The following TPCN1 variants were observed in gnomAD, a reference collection of about 807,000 sequenced individuals.
TPCN1 encodes two pore channel protein 1.
Under a neutral mutation model 108.8 loss-of-function variants are expected in TPCN1, and 52 were observed. The ratio of observed to expected loss-of-function variants is 0.48; its 90% CI spans 0.38 to 0.60. The LOEUF (loss-of-function observed/expected upper bound fraction) is 0.60. Among genes scored for constraint, TPCN1 ranks in the 20% least tolerant of loss-of-function variants. The probability of loss-of-function intolerance (pLI) is 0.00; values close to 1 mark genes in which losing one functional copy is unlikely to be tolerated. For synonymous variants in TPCN1, 446 were observed against 433.7 expected, an observed-to-expected ratio of 1.03 and a Z score of -0.35; for missense variants, 806 against 1,072.8, an observed-to-expected ratio of 0.75 and a Z score of 3.47.
intron 2 of TPCN1, chr12:113,244,485 G>A (rs1170942774): frequency 3.0e-6 from 3 of 985,308 alleles, no homozygotes; most frequent in Non-Finnish European, 2.4e-6. Flanking sequence ...CTGAGCAGGG[G>A]GATGTGCATT....
chr12:113,237,784 C>T (rs548269490), intron 2 of TPCN1, among the ~76,000 whole-genome samples: 9 of 152,150 alleles, frequency 5.9e-5, no homozygotes, highest in African/African-American at 7.2e-5. Flanking sequence ...AACATCCCAG[C>T]GGTATTGGGC....
In TPCN1 at chr12:113,226,581, CT is replaced by C. The variant is rs11347861; in HGVS notation, c.-125-146del. On this transcript the variant is annotated intron_variant, in intron 1 of 27. Transcript: ENST00000335509. ...TAGGTGTGAGCCACCGCGCCTGGCC[CT>C]AGTTCACCATTTTAAAGAGTATACT... is the stretch of plus-strand genomic sequence containing the variant. The C allele has an allele frequency of 3.2e-3, 2,362 of 726,910 alleles. 36 individuals are homozygous for C. In the African/African-American group the frequency reaches 0.037, roughly 11 times the overall value. The allele number at this position is 726,910 out of a possible 1,614,324, so 45.0% of individuals were successfully genotyped here. A position where few individuals can be genotyped will look rare whatever the true frequency, so the allele number is the denominator to read the frequency against.
intron 2 of TPCN1, among the ~76,000 whole-genome samples, chr12:113,247,248 GC>G (rs1232132088): frequency 6.6e-6 from 1 of 152,156 alleles, no homozygotes; most frequent in Non-Finnish European, 1.5e-5. Context: ...AGCTGGGCCT[GC>G]CGGGATTGGT....
rs140256166 is a variant in TPCN1, at chr12:113,298,178, G to T, written c.*2102G>T. ...TGTCAACAGACGGGAGTCCAGCCAG[G>T]GTGGGTGCCCTTGTCATTGAGGTTA... On this transcript the variant is annotated 3_prime_UTR_variant, in exon 28 of 28. Transcript: ENST00000335509. The T allele has an allele frequency of 1.3e-5, 2 of 152,446 alleles. No individual in the cohort carries two copies. Among genetic ancestry groups the T allele is most frequent in the African/African-American group, 4.8e-5 (2 of 41,600 alleles). The allele number at this position is 152,446 out of a possible 1,614,324, so 9.4% of individuals were successfully genotyped here.
Position 113,288,568 on chromosome 12 carries a change from G to T in TPCN1, c.1707-190G>T, listed in dbSNP as rs1032408617. 11 of 1,468,940 alleles carry T rather than the reference G, an allele frequency of 7.5e-6. No homozygotes were observed. The highest frequency in any genetic ancestry group is 7.1e-5 in the Admixed American group (3 of 42,124). 91.0% of individuals were successfully genotyped at this position (1,468,940 alleles called of 1,614,324 possible). On this transcript the variant is annotated intron_variant, in intron 20 of 27. Transcript: ENST00000335509. This position sits in a 1 kb window ranked among gnomAD's most constrained non-coding sequence, Gnocchi z 4.8. ...TGGGAAAGGGGCATTTGTTCATAGCGTCCTGACTTGAGCTGTTTTTCACCC... is the reference window on the plus strand; with the variant it reads ...TGGGAAAGGGGCATTTGTTCATAGCTTCCTGACTTGAGCTGTTTTTCACCC...
chr12:113,288,727 C>T lies in TPCN1; in HGVS notation c.1707-31C>T. 2 of 1,608,772 alleles carry T rather than the reference C, an allele frequency of 1.2e-6. No individual in the cohort carries two copies. Among genetic ancestry groups the T allele is most frequent in the Non-Finnish European group, 1.7e-6 (2 of 1,179,500 alleles). ...AGAGGAGCCGTTCCCTCCTGCCGGC[C>T]CCGCGTCACCCTGCCCCTGTCGCCC... is the stretch of plus-strand genomic sequence containing the variant. On this transcript the variant is annotated intron_variant, in intron 20 of 27. Coordinates refer to ENST00000335509, the MANE Select transcript of TPCN1 (RefSeq NM_017901.6). This position sits in a 1 kb window ranked among gnomAD's most constrained non-coding sequence, Gnocchi z 4.8.
At position 113,266,946 on chromosome 12, in the gene TPCN1, T is replaced by C. The variant is rs61943609; in HGVS notation, c.414+590T>C. Among the ~76,000 whole-genome samples the C allele has an allele frequency of 0.059, 8,977 of 152,296 alleles. 359 individuals are homozygous for C. Among genetic ancestry groups the C allele is most frequent in the Middle Eastern group, 0.071 (21 of 294 alleles). On this transcript the variant is annotated intron_variant, in intron 4 of 27. Coordinates refer to ENST00000335509, the MANE Select transcript of TPCN1 (RefSeq NM_017901.6). This position sits in a 1 kb window ranked among gnomAD's most constrained non-coding sequence, Gnocchi z 4.2. ...CCCTCCATGACTCAGTTTCCCTTCC[T>C]GTTTCTCCTTCTTCATGCCTGGAAC... is the stretch of plus-strand genomic sequence containing the variant.
intron 17 of TPCN1, 120 bp from the exon 18 acceptor site, chr12:113,285,769 C>A: frequency 1.2e-6 from 1 of 867,368 alleles, no homozygotes. Flanking sequence ...GGCCTGGGCT[C>A]AGCCTGGAGG....
In TPCN1 at chr12:113,266,989, CTG is replaced by C. The variant is rs1955287780; in HGVS notation, c.414+637_414+638del. ...CCTGGAACTCACAGCTCCAGCCAGTCTGTGTTTCTTTCTGTGCACACCTCCCC... is the reference window on the plus strand; with the variant it reads ...CCTGGAACTCACAGCTCCAGCCAGTCTGTTTCTTTCTGTGCACACCTCCCC... On this transcript the variant is annotated intron_variant, in intron 4 of 27. Coordinates refer to ENST00000335509, the MANE Select transcript of TPCN1 (RefSeq NM_017901.6). This position sits in a 1 kb window ranked among gnomAD's most constrained non-coding sequence, Gnocchi z 4.2. 6.6e-6 allele frequency among the ~76,000 whole-genome samples: 1 copy of C among 152,220 alleles called. No individual in the cohort carries two copies. Among genetic ancestry groups the C allele is most frequent in the African/African-American group, 2.4e-5 (1 of 41,448 alleles).
rs1453783266 is a variant in TPCN1, at chr12:113,296,553, C to CCGGT, written c.*479_*482dup. Reference sequence around the variant, plus strand: ...GAACCACTTAGGAAGGAAAGAACTCCCGGTCTCCAGGGTGGTATTTCAGTG... The same window carrying CCGGT: ...GAACCACTTAGGAAGGAAAGAACTCCCGGTCGGTCTCCAGGGTGGTATTTCAGTG... On this transcript the variant is annotated 3_prime_UTR_variant, in exon 28 of 28. Coordinates refer to ENST00000335509, the MANE Select transcript of TPCN1 (RefSeq NM_017901.6). The CCGGT allele has an allele frequency of 6.4e-6, 1 of 156,484 alleles. No individual in the cohort carries two copies. Among genetic ancestry groups the CCGGT allele is most frequent in the East Asian group, 1.9e-4 (1 of 5,366 alleles). 9.7% of individuals were successfully genotyped at this position (156,484 alleles called of 1,614,324 possible).
At position 113,232,019 on chromosome 12, in the gene TPCN1, T is replaced by C. The variant is rs1953704174; in HGVS notation, c.112+5055T>C. ...TCTGGTCACACTCAGCTCTGCCTTC[T>C]CCCTGCCTTTAAAGCCAGCTGCTGC... On this transcript the variant is annotated intron_variant, in intron 2 of 27. Transcript: ENST00000335509. This position sits in a 1 kb window ranked among gnomAD's most constrained non-coding sequence, Gnocchi z 5.6. 6.6e-6 allele frequency among the ~76,000 whole-genome samples: 1 copy of C among 152,206 alleles called. No homozygotes were observed. Among genetic ancestry groups the C allele is most frequent in the Non-Finnish European group, 1.5e-5 (1 of 68,038 alleles).
intron 2 of TPCN1, among the ~76,000 whole-genome samples, chr12:113,241,652 T>C (rs768430585): frequency 2.6e-5 from 4 of 152,164 alleles, no homozygotes; most frequent in Non-Finnish European, 5.9e-5. Flanking sequence ...TCCTTGTCCC[T>C]GGGTGTTTCA....
chr12:113,290,618 A>T (rs967196045), intron 22 of TPCN1, among the ~76,000 whole-genome samples: 1 of 152,188 alleles, frequency 6.6e-6, no homozygotes, highest in Non-Finnish European at 1.5e-5. Flanking sequence ...GCCCACTCCC[A>T]TGAAGAGGCG....
At chr12:113,274,614 A>G (rs138254775) in intron 10 of TPCN1, among the ~76,000 whole-genome samples, 1 of 152,334 alleles carries the variant, frequency 6.6e-6, no homozygotes, top group East Asian at 1.9e-4. Flanking sequence ...GGCCAAGTAT[A>G]TTATAATAAC....
chr12:113,278,265 G>A, intron 13 of TPCN1, 28 bp downstream of exon 13: 1 of 1,607,858 alleles, frequency 6.2e-7, no homozygotes, highest in Non-Finnish European at 8.5e-7. Flanking sequence ...ACCATAGAAG[G>A]AGTAGACAGA....
chr12:113,245,368 C>T (rs1206172611), intron 2 of TPCN1, among the ~76,000 whole-genome samples: 19 of 120,690 alleles, frequency 1.6e-4, no homozygotes, highest in African/African-American at 4.2e-4. Flanking sequence ...GAGGCCGAGG[C>T]GGGCGGATCA....
Position 113,275,257 on chromosome 12 carries a change from A to C in TPCN1, c.942+1589A>C, listed in dbSNP as rs11066525. 4.0e-3 allele frequency among the ~76,000 whole-genome samples: 616 copies of C among 152,286 alleles called. 24 individuals are homozygous for C. In the East Asian group the frequency reaches 0.12, roughly 29 times the overall value. On this transcript the variant is annotated intron_variant, in intron 10 of 27. Coordinates refer to ENST00000335509, the MANE Select transcript of TPCN1 (RefSeq NM_017901.6). The stretch of plus-strand genomic sequence containing the variant: ...ATTTTAAGTCCTTTTCTCTTTTTTG[A>C]GATGGAGTCTCGCTCTGTCACCCAG...
chr12:113,228,451 A>C (rs1411975427), intron 2 of TPCN1, among the ~76,000 whole-genome samples: 1 of 152,130 alleles, frequency 6.6e-6, no homozygotes, highest in Non-Finnish European at 1.5e-5. Flanking sequence ...TCGGCTGTAC[A>C]AAAAAATTAA....
In TPCN1 at chr12:113,272,596, G is replaced by C. The variant is rs1394707946; in HGVS notation, c.749-62G>C. On this transcript the variant is annotated intron_variant, in intron 7 of 27. Transcript: ENST00000335509. This position sits in a 1 kb window ranked among gnomAD's most constrained non-coding sequence, Gnocchi z 4.1. Reference sequence around the variant, plus strand: ...TTGCATGTATTTGTCCAGTCCTTTTGACACCAGGTTTTGGGACCTCTGCTC... The same window carrying C: ...TTGCATGTATTTGTCCAGTCCTTTTCACACCAGGTTTTGGGACCTCTGCTC... 6 of 1,492,708 alleles carry C rather than the reference G, an allele frequency of 4.0e-6. No individual in the cohort carries two copies. The highest frequency in any genetic ancestry group is 5.6e-6 in the Non-Finnish European group (6 of 1,069,500). 92.5% of individuals were successfully genotyped at this position (1,492,708 alleles called of 1,614,324 possible). A position where few individuals can be genotyped will look rare whatever the true frequency, so the allele number is the denominator to read the frequency against.
Sources: gnomAD v4.1 joint callset for allele counts (sites outside exome capture counted in the v4.1 genomes callset) on GRCh38, gnomAD v4.1.1 for gene constraint, Gnocchi (gnomAD v3.1) non-coding constraint, MANE v1.5 for transcripts, NCBI Gene and HGNC (gene_info 2026-07-23, HGNC 2026-07-21) for gene names.